ZNF75D: variants seen among roughly 807,000 people sequenced by gnomAD.
ZNF75D encodes the protein zinc finger protein 75D.
Under a neutral mutation model 33.3 loss-of-function variants are expected in ZNF75D, and 33 were observed. The ratio of observed to expected loss-of-function variants is 0.99; its 90% CI spans 0.75 to 1.32. The LOEUF is 1.32. ZNF75D is among the 40% of genes most tolerant of loss of function. The probability of loss-of-function intolerance (pLI) is 0.00; values close to 1 mark genes in which losing one functional copy is unlikely to be tolerated. For synonymous variants in ZNF75D, 113 were observed against 130.6 expected (o/e 0.87, Z 0.92); for missense variants, 338 against 367.5 (o/e 0.92, Z 0.66).
At chrX:135,336,701 T>C (rs1296150744) in intron 1 of ZNF75D, among the ~76,000 whole-genome samples, 2 of 112,429 alleles carry the variant, frequency 1.8e-5, no homozygotes, top group Non-Finnish European at 3.8e-5. Flanking sequence ...AACTTCCTTA[T>C]GGAGAGAGGA....
intron 1 of ZNF75D, among the ~76,000 whole-genome samples, chrX:135,339,522 C>T (rs2148498307): frequency 8.9e-6 from 1 of 112,304 alleles, no homozygotes; most frequent in African/African-American, 3.2e-5. Context: ...CCAGAGCTAC[C>T]AGTAGGATGT....
chrX:135,260,820 T>C (rs2083837725), intron 1 of ZNF75D, among the ~76,000 whole-genome samples: 1 of 112,013 alleles, frequency 8.9e-6, no homozygotes. Flanking sequence ...CTGATCTTAG[T>C]TATTTCTTGC....
At chrX:135,329,280 ATTAT>A (rs377130466) in intron 1 of ZNF75D, among the ~76,000 whole-genome samples, 1 of 111,665 alleles carries the variant, frequency 9.0e-6, no homozygotes, top group African/African-American at 3.2e-5. Context: ...CTTTTTAAAA[ATTAT>A]TTATTTATTT....
Position 135,286,486 on chromosome X carries a change from G to A in ZNF75D, c.*651C>T, listed in dbSNP as rs7358017. 1.8e-5 allele frequency: 2 copies of A among 112,197 alleles called. No homozygotes were observed. Among genetic ancestry groups the A allele is most frequent in the African/African-American group, 6.5e-5 (2 of 30,849 alleles). The allele number at this position is 112,197 out of a possible 1,213,427, so 9.2% of individuals were successfully genotyped here. A position where few individuals can be genotyped will look rare whatever the true frequency, so the allele number is the denominator to read the frequency against. On this transcript the variant is annotated 3_prime_UTR_variant, in exon 7 of 7. Coordinates refer to ENST00000370766, the MANE Select transcript of ZNF75D (RefSeq NM_007131.5). ...ATATCAAGTGCTTGCAAGGTCCCTA[G>A]GCCTGTCCTTACATTCAGACCTTCC...
chrX:135,258,585 G>A (rs1307573934), intron 1 of ZNF75D, among the ~76,000 whole-genome samples: 1 of 111,778 alleles, frequency 8.9e-6, no homozygotes, highest in Non-Finnish European at 1.9e-5. Context: ...TGGCTGCATA[G>A]ATGTCTTCTT....
chrX:135,291,643 T>G, intron 4 of ZNF75D, 80 bp from the exon 5 acceptor site: 1 of 1,145,927 alleles, frequency 8.7e-7, no homozygotes, highest in South Asian at 2.0e-5. Context: ...ATAAAGAACA[T>G]CAGGATGCCT....
In ZNF75D at chrX:135,257,268, G is replaced by C. The variant is rs1358108076; in HGVS notation, n.828-1491C>G. ...CTCTTAGCATTTCTGGACCCGCCCTGGGCCATACGGGAGCCCACTGCCCTG... is the reference window on the plus strand; with the variant it reads ...CTCTTAGCATTTCTGGACCCGCCCTCGGCCATACGGGAGCCCACTGCCCTG... On this transcript the variant is annotated intron_variant and non_coding_transcript_variant, in intron 1 of 3. Transcript: ENST00000494295. Among the ~76,000 whole-genome samples, 5 of 111,298 alleles carry C rather than the reference G, an allele frequency of 4.5e-5. No homozygotes were observed. The East Asian group carries it at 1.2e-3, about 26-fold the overall frequency.
intron 1 of ZNF75D, among the ~76,000 whole-genome samples, chrX:135,314,737 C>T (rs1556430472): frequency 9.0e-6 from 1 of 111,551 alleles, no homozygotes; most frequent in Non-Finnish European, 1.9e-5. Context: ...TTACCAATTC[C>T]CTCTAGGTTT....
At chrX:135,277,236 C>G (rs782658416) in intron 1 of ZNF75D, among the ~76,000 whole-genome samples, 3 of 112,482 alleles carry the variant, frequency 2.7e-5, no homozygotes, top group Admixed American at 9.4e-5. Context: ...TCTCTAATGA[C>G]CAGTGATGAT....
chrX:135,302,284 T>G (rs1209803881), intron 1 of ZNF75D, among the ~76,000 whole-genome samples: 2 of 112,400 alleles, frequency 1.8e-5, no homozygotes, highest in Admixed American at 1.9e-4. Flanking sequence ...TGTGCAGCCT[T>G]AAACTGGCCA....
At chrX:135,335,464 T>C (rs1275249215) in intron 1 of ZNF75D, among the ~76,000 whole-genome samples, 1 of 110,958 alleles carries the variant, frequency 9.0e-6, no homozygotes, top group Admixed American at 9.5e-5. Flanking sequence ...CTCTAGCCAA[T>C]TTAGTCTCCA....
intron 1 of ZNF75D, among the ~76,000 whole-genome samples, chrX:135,323,661 A>G (rs1048172696): frequency 4.5e-5 from 5 of 112,049 alleles, no homozygotes; most frequent in African/African-American, 6.5e-5. Context: ...CTGGAATTCA[A>G]TGTAATCTGA....
chrX:135,317,768 T>C (rs1250072145), intron 1 of ZNF75D, among the ~76,000 whole-genome samples: 1 of 111,160 alleles, frequency 9.0e-6, no homozygotes, highest in Non-Finnish European at 1.9e-5. Context: ...ATGTGCTCTG[T>C]CTGAAGGTAG....
At chrX:135,302,562 C>T (rs1290868702) in intron 1 of ZNF75D, among the ~76,000 whole-genome samples, 4 of 112,621 alleles carry the variant, frequency 3.6e-5, no homozygotes, top group African/African-American at 1.3e-4. Context: ...ACTGGCATGG[C>T]CTTAGGCTTT....
In ZNF75D at chrX:135,326,516, T is replaced by C. The variant is rs781932224; in HGVS notation, c.-391+15252A>G. 5.3e-3 allele frequency among the ~76,000 whole-genome samples: 591 copies of C among 112,200 alleles called. 1 individual carries two copies. Among genetic ancestry groups the C allele is most frequent in the Non-Finnish European group, 8.8e-3 (467 of 53,197 alleles). ...CTCGGCTCTACCAATCAGCAGGATGTGGGTGGGGCCAGATAAGAGAATAAA... is the reference window on the plus strand; with the variant it reads ...CTCGGCTCTACCAATCAGCAGGATGCGGGTGGGGCCAGATAAGAGAATAAA... On this transcript the variant is annotated intron_variant, in intron 1 of 6. Transcript: ENST00000370766.
intron 1 of ZNF75D, among the ~76,000 whole-genome samples, chrX:135,325,293 G>T (rs1296544978): frequency 3.7e-5 from 4 of 108,775 alleles, no homozygotes; most frequent in Middle Eastern, 4.5e-3. Context: ...ACAGCACGCT[G>T]GCAGTCCTCA....
At chrX:135,294,365 C>T in intron 2 of ZNF75D, 107 bp from the exon 3 acceptor site, 1 of 314,949 alleles carries the variant, frequency 3.2e-6, no homozygotes, top group Non-Finnish European at 5.5e-6. Context: ...TCCTGTCTGG[C>T]TTCTTCTTTA....
rs1556421462 is a variant in ZNF75D at position 135,292,297 on chromosome X, C to G, written c.588G>C (p.Gln196His). 2.5e-6 allele frequency: 3 copies of G among 1,210,839 alleles called. No homozygotes were observed. In the South Asian group the frequency reaches 5.3e-5, roughly 21 times the overall value. The part of the protein sequence containing the change: ...QLGWNTHKET[Q>H]PVYERAVHDQ... ...GCTCCTCACCTCTTTCATATACAGG[C>G]TGGGTTTCTTTGTGAGTGTTCCAGC... The change falls in exon 4 of 7, where the codon CAG becomes CAC. Residue 196 changes from glutamine to histidine, a missense_variant. By Grantham distance (24) the Gln-to-His change is conservative. Coordinates refer to ENST00000370766, the MANE Select transcript of ZNF75D (RefSeq NM_007131.5).
Position 135,339,300 on chromosome X carries a change from G to C in ZNF75D, c.-391+2468C>G, listed in dbSNP as rs2084754529. 2.7e-5 allele frequency among the ~76,000 whole-genome samples: 3 copies of C among 112,133 alleles called. No homozygotes were observed. The South Asian group carries it at 1.1e-3, about 41-fold the overall frequency. On this transcript the variant is annotated intron_variant, in intron 1 of 6. Coordinates refer to ENST00000370766, the MANE Select transcript of ZNF75D (RefSeq NM_007131.5). ...CATACTCTGAACCATTCTCTTTCAA[G>C]TCCTGGTCCTTGTCTTGCTGACCAG...
Sources: allele counts gnomAD v4.1 joint callset (sites outside exome capture counted in the v4.1 genomes callset), GRCh38; gene constraint gnomAD v4.1.1; transcripts MANE v1.5; gene names NCBI Gene and HGNC (gene_info 2026-07-23, HGNC 2026-07-21).